The following SS18L1 variants were observed in gnomAD, a reference collection of about 807,000 sequenced individuals.
The protein encoded by SS18L1 is SS18L1 subunit of BAF chromatin remodeling complex, also known as calcium-responsive transactivator.
A neutral mutation model predicts 70.3 loss-of-function variants in SS18L1; 32 were observed. That is an observed-to-expected ratio of 0.46 (90% CI 0.34 to 0.61). The LOEUF is 0.61. SS18L1 is among the 20% of genes least tolerant of loss of function. SS18L1 has a pLI of 0.01. For synonymous variants in SS18L1, 237 were observed against 229.7 expected, an observed-to-expected ratio of 1.03 and a Z score of -0.29; for missense variants, 430 against 542.1, an observed-to-expected ratio of 0.79 and a Z score of 2.05.
intron 1 of SS18L1, among the ~76,000 whole-genome samples, chr20:62,144,796 G>A (rs530763223): frequency 1.5e-3 from 227 of 152,340 alleles, no homozygotes; most frequent in Non-Finnish European, 2.5e-3. Context: ...AGCCATACCC[G>A]TTTCAGTTGT....
In SS18L1 at chr20:62,174,382, T is replaced by G; in HGVS notation, c.1037-135T>G. 1 of 1,421,194 alleles carries G rather than the reference T, an allele frequency of 7.0e-7. No homozygotes were observed. Among genetic ancestry groups the G allele is most frequent in the Non-Finnish European group, 9.3e-7 (1 of 1,071,942 alleles). 88.0% of individuals were successfully genotyped at this position (1,421,194 alleles called of 1,614,324 possible). On this transcript the variant is annotated intron_variant, in intron 9 of 10. Transcript: ENST00000331758. This position sits in a 1 kb window ranked among gnomAD's most constrained non-coding sequence, Gnocchi z 4.1. ...TGCAGGTGCCAGGTGTTCTGGAGATTGACAAAAGGCTGATGCATTGAGACG... is the reference window on the plus strand; with the variant it reads ...TGCAGGTGCCAGGTGTTCTGGAGATGGACAAAAGGCTGATGCATTGAGACG...
rs182126427 is a variant in SS18L1, at chr20:62,158,277, G to A, written c.70-395G>A. Among the ~76,000 whole-genome samples, 38 of 152,056 alleles carry A rather than the reference G, an allele frequency of 2.5e-4. 1 individual carries two copies. The highest frequency in any genetic ancestry group is 1.1e-3 in the Admixed American group (16 of 15,228). On this transcript the variant is annotated intron_variant, in intron 1 of 10. Transcript: ENST00000331758. This position sits in a 1 kb window ranked among gnomAD's most constrained non-coding sequence, Gnocchi z 4.5. ...ATTTGTGGGCTTAGATGGCCCTGCC[G>A]CTTACGGATGAAGTCCCCAGCACAG...
chr20:62,170,388 C>T (rs894706617), intron 8 of SS18L1, among the ~76,000 whole-genome samples: 4 of 152,220 alleles, frequency 2.6e-5, no homozygotes, highest in South Asian at 2.1e-4. Context: ...CGCCTGTTGT[C>T]CCAGCTACTC....
At chr20:62,160,057 A>C (rs1416238989) in intron 3 of SS18L1, 96 bp downstream of exon 3, 1 of 1,327,918 alleles carries the variant, frequency 7.5e-7, no homozygotes, top group Non-Finnish European at 1.0e-6. Flanking sequence ...GGTAGCAAAG[A>C]TGACTCAGAG....
rs567716702 is a variant in SS18L1, at chr20:62,174,086, G to A, written c.1037-431G>A. 6.6e-6 allele frequency among the ~76,000 whole-genome samples: 1 copy of A among 152,148 alleles called. No homozygotes were observed. Among genetic ancestry groups the A allele is most frequent in the South Asian group, 2.1e-4 (1 of 4,820 alleles). ...CCTTTGACTTAGCCTTCCTAGAGAC[G>A]ATGTCTCTGTCTCACCTGCCTGCAG... is the stretch of plus-strand genomic sequence containing the variant. On this transcript the variant is annotated intron_variant, in intron 9 of 10. Transcript: ENST00000331758. This position sits in a 1 kb window ranked among gnomAD's most constrained non-coding sequence, Gnocchi z 4.1.
rs1437596015 is a variant in SS18L1, at chr20:62,158,165, G to A, written c.70-507G>A. On this transcript the variant is annotated intron_variant, in intron 1 of 10. Coordinates refer to ENST00000331758, the MANE Select transcript of SS18L1 (RefSeq NM_198935.3). The surrounding 1 kb of genome is among the most constrained non-coding windows in gnomAD (Gnocchi z 4.5). ...GCCATCGGCTTGGCTGACCCTTGCT[G>A]CACAGATGCTCTGCCGTCAAGGGCC... Among the ~76,000 whole-genome samples the A allele has an allele frequency of 6.6e-6, 1 of 152,120 alleles. No homozygotes were observed. Among genetic ancestry groups the A allele is most frequent in the East Asian group, 1.9e-4 (1 of 5,186 alleles).
chr20:62,161,339 G>C lies in SS18L1; in HGVS notation c.232-97G>C, dbSNP rs1317271103. 1 of 1,570,244 alleles carries C rather than the reference G, an allele frequency of 6.4e-7. No homozygotes were observed. Among genetic ancestry groups the C allele is most frequent in the African/African-American group, 1.4e-5 (1 of 73,624 alleles). On this transcript the variant is annotated intron_variant, in intron 3 of 10. Transcript: ENST00000331758. The surrounding 1 kb of genome is among the most constrained non-coding windows in gnomAD (Gnocchi z 4.4). Reference sequence around the variant, plus strand: ...TGACCAGGTGGCCATGATGTGTGGCGGCAAATCTCGGGTGCCCTCTCATCC... The same window carrying C: ...TGACCAGGTGGCCATGATGTGTGGCCGCAAATCTCGGGTGCCCTCTCATCC...
At chr20:62,169,674 G>T (rs899993528) in intron 8 of SS18L1, among the ~76,000 whole-genome samples, 1 of 152,080 alleles carries the variant, frequency 6.6e-6, no homozygotes, top group African/African-American at 2.4e-5. Flanking sequence ...AGCTGCTTGT[G>T]AGGCTGAGGT....
chr20:62,168,950 G>A (rs6142718), intron 8 of SS18L1, among the ~76,000 whole-genome samples: 18,440 of 152,126 alleles, frequency 0.12, 1,304 homozygotes, highest in South Asian at 0.24. Context: ...GTGTTCATGC[G>A]CAGGGCACCA....
At chr20:62,164,689 C>T (rs941248932) in intron 7 of SS18L1, among the ~76,000 whole-genome samples, 1 of 152,204 alleles carries the variant, frequency 6.6e-6, no homozygotes, top group Non-Finnish European at 1.5e-5. Flanking sequence ...TTACCGTCGT[C>T]ACCTTTCAGT....
intron 1 of SS18L1, among the ~76,000 whole-genome samples, chr20:62,152,053 G>A (rs750438112): frequency 4.0e-5 from 6 of 149,838 alleles, no homozygotes; most frequent in Non-Finnish European, 8.9e-5. Context: ...GAGATGCCCC[G>A]TGGCCTTCAC....
chr20:62,164,275 C>T, intron 7 of SS18L1, 29 bp downstream of exon 7: 1 of 1,538,286 alleles, frequency 6.5e-7, no homozygotes, highest in East Asian at 2.5e-5. Context: ...CTGACCCCGC[C>T]CAGGAACGCA....
intron 7 of SS18L1, among the ~76,000 whole-genome samples, chr20:62,165,120 G>A (rs1320016736): frequency 6.6e-6 from 1 of 152,228 alleles, no homozygotes; most frequent in African/African-American, 2.4e-5. Flanking sequence ...GCTAGCGGTG[G>A]CGGGGAGAAG....
intron 9 of SS18L1, among the ~76,000 whole-genome samples, chr20:62,173,059 T>G (rs1261554884): frequency 4.6e-5 from 7 of 152,262 alleles, no homozygotes; most frequent in Non-Finnish European, 1.0e-4. Flanking sequence ...CCAGAAAAGT[T>G]GGAAACATCC....
intron 10 of SS18L1, chr20:62,175,160 C>G: frequency 1.1e-6 from 1 of 902,270 alleles, no homozygotes; most frequent in South Asian, 5.1e-5. Context: ...TGGCTGGCAG[C>G]CCCAGGCTCA....
intron 8 of SS18L1, among the ~76,000 whole-genome samples, chr20:62,166,359 T>C (rs376762990): frequency 6.6e-6 from 1 of 152,232 alleles, no homozygotes; most frequent in East Asian, 1.9e-4. Flanking sequence ...GGTAACAGTG[T>C]TGGTGAGGCT....
In SS18L1 at chr20:62,161,755, C is replaced by T. The variant is rs6121520; in HGVS notation, c.376+175C>T. ...CGCCCAGGCTCAGGGCCGCAGCGAG[C>T]GTGCCGTGCGGCTGGGCTGAGCCCC... On this transcript the variant is annotated intron_variant, in intron 4 of 10. Coordinates refer to ENST00000331758, the MANE Select transcript of SS18L1 (RefSeq NM_198935.3). This position sits in a 1 kb window ranked among gnomAD's most constrained non-coding sequence, Gnocchi z 4.4. 2.0e-5 allele frequency among the ~76,000 whole-genome samples: 3 copies of T among 152,320 alleles called. No homozygotes were observed. The highest frequency in any genetic ancestry group is 1.9e-4 in the East Asian group (1 of 5,194).
rs371196097 is a variant in SS18L1, at chr20:62,162,894, C to T, written c.519C>T (p.Tyr173=). 2.9e-5 allele frequency: 46 copies of T among 1,612,794 alleles called. No individual in the cohort carries two copies. Among genetic ancestry groups the T allele is most frequent in the Admixed American group, 8.3e-5 (5 of 59,986 alleles). The part of the protein sequence containing the change: ...PMQGQGTIGN[Y]VSRTNINMQS... ...AGGGGCAAGGCACCATCGGCAACTA[C>T]GTGTCTCGGACCAACATCAACATGC... The change falls in exon 5 of 11, where the codon TAC becomes TAT. Residue 173 remains tyrosine (Y), a synonymous_variant. Coordinates refer to ENST00000331758, the MANE Select transcript of SS18L1 (RefSeq NM_198935.3).
At position 62,179,474 on chromosome 20, in the gene SS18L1, C is replaced by T; in HGVS notation, c.*266C>T. ...AGAGGTATCCTTTTTTTGTCCCCCG[C>T]CCCCTTCTCAATGTTTCTAGCTAGC... On this transcript the variant is annotated 3_prime_UTR_variant, in exon 11 of 11. Transcript: ENST00000331758. The T allele has an allele frequency of 1.9e-6, 1 of 524,570 alleles. No individual in the cohort carries two copies. The highest frequency in any genetic ancestry group is 2.3e-5 in the South Asian group (1 of 43,612). 32.5% of individuals were successfully genotyped at this position (524,570 alleles called of 1,614,324 possible). A position where few individuals can be genotyped will look rare whatever the true frequency, so the allele number is the denominator to read the frequency against.
Sources: gnomAD v4.1 joint callset for allele counts (sites outside exome capture counted in the v4.1 genomes callset) on GRCh38, gnomAD v4.1.1 for gene constraint, Gnocchi (gnomAD v3.1) non-coding constraint, MANE v1.5 for transcripts, NCBI Gene and HGNC (gene_info 2026-07-23, HGNC 2026-07-21) for gene names.